Variants in RAD51B observed in about 807,000 individuals in gnomAD.
The protein encoded by RAD51B is DNA repair protein RAD51 homolog 2.
A neutral mutation model predicts 42.2 loss-of-function variants in RAD51B; 38 were observed. The ratio of observed to expected loss-of-function variants is 0.90; its 90% CI spans 0.70 to 1.18. The LOEUF is 1.18. Among genes scored for constraint, RAD51B ranks in the 50% most tolerant of loss-of-function variants. The probability of loss-of-function intolerance (pLI) is 0.00; values close to 1 mark genes in which losing one functional copy is unlikely to be tolerated. For missense variants in RAD51B, 373 were observed against 400.7 expected (o/e 0.93, Z 0.59); for synonymous variants, 154 against 145.2 (o/e 1.06, Z -0.43).
chr14:68,162,216 G>T (rs1208207096), intron 7 of RAD51B, among the ~76,000 whole-genome samples: 1 of 152,118 alleles, frequency 6.6e-6, no homozygotes, highest in Non-Finnish European at 1.5e-5. Context: ...TTCCATAGAA[G>T]CTAACTTTAG....
chr14:68,493,354 G>C (rs2140284777), intron 10 of RAD51B, among the ~76,000 whole-genome samples: 1 of 152,176 alleles, frequency 6.6e-6, no homozygotes, highest in South Asian at 2.1e-4. Flanking sequence ...AGAAAAATCT[G>C]GATGGTATCT....
chr14:68,263,350 G>C (rs1295481081), intron 7 of RAD51B, among the ~76,000 whole-genome samples: 1 of 152,180 alleles, frequency 6.6e-6, no homozygotes, highest in Non-Finnish European at 1.5e-5. Context: ...TTGTTTTATA[G>C]AAGCCAGGGA....
rs35023180 is a variant in RAD51B at position 68,074,441 on chromosome 14, C to T, written c.756+187237C>T. On this transcript the variant is annotated intron_variant, in intron 7 of 10. Transcript: ENST00000471583. ...TTCTCTTGAATCATTTGATTGGATT[C>T]GTCAGATTCATTGGAATAGGTTTCA... Among the ~76,000 whole-genome samples the T allele has an allele frequency of 5.7e-3, 874 of 152,196 alleles. 10 individuals are homozygous for T. Among genetic ancestry groups the T allele is most frequent in the African/African-American group, 0.02 (831 of 41,506 alleles).
intron 7 of RAD51B, among the ~76,000 whole-genome samples, chr14:68,146,175 C>T (rs981690861): frequency 1.2e-4 from 18 of 152,058 alleles, no homozygotes; most frequent in Admixed American, 9.8e-4. Context: ...TTAGGCTGGG[C>T]GTGGTGGCAC....
intron 7 of RAD51B, among the ~76,000 whole-genome samples, chr14:67,938,176 C>T (rs868112982): frequency 6.6e-6 from 1 of 152,210 alleles, no homozygotes; most frequent in Non-Finnish European, 1.5e-5. Flanking sequence ...CTAAGCTTTG[C>T]TTCCTAAAGT....
At chr14:68,005,819 G>T (rs1190556607) in intron 7 of RAD51B, among the ~76,000 whole-genome samples, 1 of 152,156 alleles carries the variant, frequency 6.6e-6, no homozygotes, top group Non-Finnish European at 1.5e-5. Context: ...CTGGCTTATG[G>T]TTCCATAGGC....
chr14:67,978,396 C>G (rs374148005), intron 7 of RAD51B, among the ~76,000 whole-genome samples: 2 of 146,052 alleles, frequency 1.4e-5, no homozygotes, highest in Admixed American at 6.8e-5. Flanking sequence ...CTCAGTTAAT[C>G]CCTCCAGCCT....
chr14:67,862,143 CA>C (rs1038728663), intron 4 of RAD51B, among the ~76,000 whole-genome samples: 3 of 149,850 alleles, frequency 2.0e-5, no homozygotes, highest in African/African-American at 4.9e-5. Context: ...ATGTTCCCAC[CA>C]AAAAAAAGAT....
At chr14:67,838,353 A>G (rs1056910407) in intron 4 of RAD51B, among the ~76,000 whole-genome samples, 3 of 152,200 alleles carry the variant, frequency 2.0e-5, no homozygotes, top group Non-Finnish European at 2.9e-5. Context: ...GATAAAGTAA[A>G]TTGGGCAAAA....
chr14:68,503,019 C>T (rs1373402113), intron 10 of RAD51B, among the ~76,000 whole-genome samples: 2 of 152,204 alleles, frequency 1.3e-5, no homozygotes, highest in African/African-American at 4.8e-5. Flanking sequence ...CTCAGCCTAC[C>T]CTGCCTGGCC....
chr14:68,226,682 G>A (rs2080045838), intron 7 of RAD51B, among the ~76,000 whole-genome samples: 1 of 152,068 alleles, frequency 6.6e-6, no homozygotes, highest in African/African-American at 2.4e-5. Flanking sequence ...TAAACCCTCG[G>A]GTATGTCTTT....
Position 68,605,240 on chromosome 14 carries a change from T to C in RAD51B, c.1037-5766T>C, listed in dbSNP as rs537143360. 2.6e-5 allele frequency among the ~76,000 whole-genome samples: 4 copies of C among 152,380 alleles called. No individual in the cohort carries two copies. In the South Asian group the frequency reaches 6.2e-4, roughly 24 times the overall value. The stretch of plus-strand genomic sequence containing the variant: ...ATGCACTGAGGGAGAGCCTGTGTTA[T>C]ATGTAAAATATTTGTTTAGAAACAG... On this transcript the variant is annotated intron_variant, in intron 10 of 10. Transcript: ENST00000487861.
intron 8 of RAD51B, among the ~76,000 whole-genome samples, chr14:68,309,414 G>A (rs1305082627): frequency 6.6e-6 from 1 of 152,178 alleles, no homozygotes; most frequent in Non-Finnish European, 1.5e-5. Context: ...TCAAGGATCA[G>A]CAAATGAGAG....
chr14:67,835,923 C>T (rs2140299772), intron 4 of RAD51B, among the ~76,000 whole-genome samples: 1 of 152,132 alleles, frequency 6.6e-6, no homozygotes, highest in African/African-American at 2.4e-5. Context: ...AAAAAAGGAT[C>T]ACTCCTTATA....
chr14:68,621,229 A>G (rs1264139086), intron 10 of RAD51B, among the ~76,000 whole-genome samples: 1 of 152,208 alleles, frequency 6.6e-6, no homozygotes, highest in African/African-American at 2.4e-5. Context: ...TCTCAATGGA[A>G]AGCAAAAGCC....
At chr14:67,960,657 C>T (rs2074645136) in intron 7 of RAD51B, among the ~76,000 whole-genome samples, 1 of 152,104 alleles carries the variant, frequency 6.6e-6, no homozygotes, top group South Asian at 2.1e-4. Flanking sequence ...CTCAGAGGAA[C>T]TGCCTTTTTT....
intron 5 of RAD51B, among the ~76,000 whole-genome samples, chr14:67,870,003 G>C (rs1214078676): frequency 6.6e-6 from 1 of 151,552 alleles, no homozygotes; most frequent in East Asian, 1.9e-4. Context: ...AAAGACCATC[G>C]AGACTAGGAA....
chr14:68,248,764 G>A lies in RAD51B; in HGVS notation c.757-43120G>A, dbSNP rs549242494. Among the ~76,000 whole-genome samples the A allele has an allele frequency of 3.3e-5, 5 of 152,338 alleles. 1 individual carries two copies. The highest frequency in any genetic ancestry group is 1.2e-4 in the African/African-American group (5 of 41,578). Reference sequence around the variant, plus strand: ...CTAAAACGTATGCTTCCAAGATACTGTCTTTAAGATTTCCATCTTTCTTTT... The same window carrying A: ...CTAAAACGTATGCTTCCAAGATACTATCTTTAAGATTTCCATCTTTCTTTT... On this transcript the variant is annotated intron_variant, in intron 7 of 10. Transcript: ENST00000471583.
chr14:68,254,194 G>T (rs899645389), intron 7 of RAD51B, among the ~76,000 whole-genome samples: 1 of 152,078 alleles, frequency 6.6e-6, no homozygotes, highest in African/African-American at 2.4e-5. Context: ...CAGCAGCTTT[G>T]ATCTGAATGA....
Sources: allele counts gnomAD v4.1 joint callset (sites outside exome capture counted in the v4.1 genomes callset), GRCh38; gene constraint gnomAD v4.1.1; transcripts MANE v1.5; gene names NCBI Gene and HGNC (gene_info 2026-07-23, HGNC 2026-07-21).